The following DYM variants were observed in gnomAD, a reference collection of about 807,000 sequenced individuals.
The protein encoded by DYM is dymeclin.
A neutral mutation model predicts 93.1 loss-of-function variants in DYM; 78 were observed. The observed-to-expected ratio is 0.84, with a 90% confidence interval of 0.70 to 1.01. DYM has a LOEUF of 1.01. Among genes scored for constraint, DYM ranks in the 50% least tolerant of loss-of-function variants. The probability of loss-of-function intolerance (pLI) is 0.00; values close to 1 mark genes in which losing one functional copy is unlikely to be tolerated. For missense variants in DYM, 789 were observed against 845.0 expected, an observed-to-expected ratio of 0.93 and a Z score of 0.82; for synonymous variants, 321 against 319.7, an observed-to-expected ratio of 1.00 and a Z score of -0.04.
chr18:49,139,407 C>T (rs144460000), intron 15 of DYM, among the ~76,000 whole-genome samples: 22 of 152,164 alleles, frequency 1.4e-4, no homozygotes, highest in African/African-American at 4.6e-4. Context: ...TCTTAAAAAA[C>T]GAGGCATTCC....
intron 8 of DYM, among the ~76,000 whole-genome samples, chr18:49,319,706 T>C (rs1308745460): frequency 6.6e-6 from 1 of 152,204 alleles, no homozygotes; most frequent in Non-Finnish European, 1.5e-5. Context: ...TTGCTCAAGG[T>C]GACTCAACTT....
chr18:49,063,919 G>A (rs1930583449), intron 17 of DYM, among the ~76,000 whole-genome samples: 1 of 152,198 alleles, frequency 6.6e-6, no homozygotes, highest in Non-Finnish European at 1.5e-5. Flanking sequence ...GTGAGCCACG[G>A]TGCCTGGCTG....
intron 8 of DYM, among the ~76,000 whole-genome samples, chr18:49,291,115 T>A (rs2060083645): frequency 6.6e-6 from 1 of 152,212 alleles, no homozygotes; most frequent in South Asian, 2.1e-4. Context: ...AATCTTTGCA[T>A]ATACATATTT....
At chr18:49,130,155 G>A (rs1432877764) in intron 15 of DYM, among the ~76,000 whole-genome samples, 1 of 152,158 alleles carries the variant, frequency 6.6e-6, no homozygotes, top group Non-Finnish European at 1.5e-5. Context: ...GCTGGACTAG[G>A]ACAACAGAGA....
At chr18:49,271,359 A>G (rs1004298127) in intron 11 of DYM, among the ~76,000 whole-genome samples, 1 of 152,176 alleles carries the variant, frequency 6.6e-6, no homozygotes, top group Non-Finnish European at 1.5e-5. Flanking sequence ...TTAACCAAAA[A>G]TGGTAATAAG....
intron 17 of DYM, among the ~76,000 whole-genome samples, chr18:49,060,842 A>G (rs1270810173): frequency 6.6e-6 from 1 of 152,022 alleles, no homozygotes; most frequent in East Asian, 1.9e-4. Context: ...CTGGCAAGAT[A>G]GTTCACCTGG....
chr18:49,314,098 T>C (rs1003579452), intron 8 of DYM, among the ~76,000 whole-genome samples: 1 of 152,196 alleles, frequency 6.6e-6, no homozygotes, highest in Non-Finnish European at 1.5e-5. Context: ...TTCTTCCCTA[T>C]CAAATATTAT....
At chr18:49,259,202 A>G (rs1357275855) in intron 11 of DYM, among the ~76,000 whole-genome samples, 1 of 152,144 alleles carries the variant, frequency 6.6e-6, no homozygotes, top group Non-Finnish European at 1.5e-5. Flanking sequence ...ACTCCCCACC[A>G]CTCACAAATG....
intron 8 of DYM, among the ~76,000 whole-genome samples, chr18:49,322,829 G>A (rs1213044202): frequency 1.3e-5 from 2 of 152,088 alleles, no homozygotes; most frequent in African/African-American, 4.8e-5. Flanking sequence ...CAAGATACCA[G>A]TCTTTTTCCT....
intron 2 of DYM, among the ~76,000 whole-genome samples, chr18:49,426,729 G>A (rs1291034386): frequency 1.4e-5 from 2 of 146,996 alleles, no homozygotes; most frequent in African/African-American, 2.5e-5. Context: ...AAAGAAAAAC[G>A]ACTGCTATTA....
At chr18:49,291,758 C>A (rs1476256838) in intron 8 of DYM, among the ~76,000 whole-genome samples, 1 of 151,946 alleles carries the variant, frequency 6.6e-6, no homozygotes, top group Admixed American at 6.6e-5. Context: ...TTATAGACCA[C>A]AAATTTAAGT....
intron 13 of DYM, among the ~76,000 whole-genome samples, chr18:49,216,981 A>C (rs1242771344): frequency 1.3e-5 from 2 of 152,202 alleles, no homozygotes; most frequent in Non-Finnish European, 2.9e-5. Flanking sequence ...ATTCAAACCG[A>C]AGGCAAAGAA....
chr18:49,220,704 G>A (rs921597415), intron 13 of DYM, among the ~76,000 whole-genome samples: 1 of 152,174 alleles, frequency 6.6e-6, no homozygotes, highest in Non-Finnish European at 1.5e-5. Context: ...CTAGCCATAT[G>A]GAGAAAGCTG....
chr18:49,203,974 A>G (rs933863803), intron 14 of DYM, among the ~76,000 whole-genome samples: 1 of 145,872 alleles, frequency 6.9e-6, no homozygotes, highest in Non-Finnish European at 1.5e-5. Context: ...GTAAACTTCC[A>G]TTTGCTTCTT....
Position 49,066,268 on chromosome 18 carries a change from G to A in DYM, c.2026-22064C>T, listed in dbSNP as rs139879405. 1.0e-3 allele frequency among the ~76,000 whole-genome samples: 153 copies of A among 152,148 alleles called. 1 individual carries two copies. The highest frequency in any genetic ancestry group is 1.8e-3 in the Admixed American group (27 of 15,298). On this transcript the variant is annotated intron_variant, in intron 17 of 17. Transcript: ENST00000675505. ...CACCACCCTGATTTTTGTGGTAGGC[G>A]CTCCCTGCTCTTTCTTATACTTACT...
chr18:49,086,359 A>G (rs2078525587), intron 17 of DYM, among the ~76,000 whole-genome samples: 1 of 152,138 alleles, frequency 6.6e-6, no homozygotes, highest in Non-Finnish European at 1.5e-5. Context: ...ATAAAGCCAC[A>G]AGTCCCCCTC....
chr18:49,108,340 C>T (rs1206406936), intron 16 of DYM, among the ~76,000 whole-genome samples: 1 of 152,256 alleles, frequency 6.6e-6, no homozygotes, highest in Non-Finnish European at 1.5e-5. Flanking sequence ...AATTCACTGA[C>T]CCCTTGTGCT....
intron 15 of DYM, among the ~76,000 whole-genome samples, chr18:49,152,918 T>C (rs1012668458): frequency 3.3e-5 from 5 of 151,702 alleles, no homozygotes; most frequent in Admixed American, 2.6e-4. Context: ...TCCAAAAAAG[T>C]CAAAATCATA....
At chr18:49,293,900 T>C (rs757582573) in intron 8 of DYM, among the ~76,000 whole-genome samples, 2 of 152,232 alleles carry the variant, frequency 1.3e-5, no homozygotes, top group Non-Finnish European at 2.9e-5. Flanking sequence ...CATGCCTATG[T>C]CCTGAATGGT....
Sources: gnomAD v4.1 joint callset for allele counts (sites outside exome capture counted in the v4.1 genomes callset) on GRCh38, gnomAD v4.1.1 for gene constraint, MANE v1.5 for transcripts, NCBI Gene and HGNC (gene_info 2026-07-23, HGNC 2026-07-21) for gene names.